Variants in FCHSD2 observed in about 807,000 individuals in gnomAD.
The protein encoded by FCHSD2 is F-BAR and double SH3 domains protein 2.
Under a neutral mutation model 108.1 loss-of-function variants are expected in FCHSD2, and 38 were observed. That is an observed-to-expected ratio of 0.35 (90% CI 0.27 to 0.46). FCHSD2 has a LOEUF of 0.46. FCHSD2 is among the 20% of genes least tolerant of loss of function. The probability of loss-of-function intolerance (pLI) is 1.00; values close to 1 mark genes in which losing one functional copy is unlikely to be tolerated. For missense variants in FCHSD2, 751 were observed against 897.8 expected (o/e 0.84, Z 2.09); for synonymous variants, 279 against 314.7 (o/e 0.89, Z 1.20).
At chr11:72,900,220 T>TACCAAAACAACCCC in intron 10 of FCHSD2, 1 of 886,390 alleles carries the variant, frequency 1.1e-6, no homozygotes, top group Non-Finnish European at 1.8e-6. Context: ...AACCCACACT[T>TACCAAAACAACCCC]CCCATCCCTC....
intron 3 of FCHSD2, among the ~76,000 whole-genome samples, chr11:73,057,323 G>C (rs1409229470): frequency 6.6e-6 from 1 of 151,748 alleles, no homozygotes; most frequent in African/African-American, 2.4e-5. Context: ...AAGCAAAACA[G>C]AAGCTAAAGA....
chr11:73,086,675 C>T (rs1859824491), intron 2 of FCHSD2, among the ~76,000 whole-genome samples: 1 of 152,074 alleles, frequency 6.6e-6, no homozygotes, highest in Admixed American at 6.5e-5. Context: ...AAAGGGAAAA[C>T]ACTAATTACC....
intron 2 of FCHSD2, among the ~76,000 whole-genome samples, chr11:73,099,761 T>C (rs1337845257): frequency 6.6e-6 from 1 of 152,166 alleles, no homozygotes; most frequent in Non-Finnish European, 1.5e-5. Flanking sequence ...TTCCCCGTGG[T>C]TTCCAGAGAG....
At chr11:72,973,373 A>G (rs1857042732) in intron 8 of FCHSD2, among the ~76,000 whole-genome samples, 2 of 152,178 alleles carry the variant, frequency 1.3e-5, no homozygotes. Flanking sequence ...ATCTCAAAAA[A>G]AAAAGAAAGA....
chr11:72,921,374 C>G (rs184109355), intron 9 of FCHSD2, among the ~76,000 whole-genome samples: 2 of 152,274 alleles, frequency 1.3e-5, no homozygotes, highest in African/African-American at 2.4e-5. Flanking sequence ...CAAAGAATGA[C>G]AGCATATAGA....
chr11:72,858,711 C>A (rs1861491393), intron 13 of FCHSD2, among the ~76,000 whole-genome samples: 1 of 152,156 alleles, frequency 6.6e-6, no homozygotes, highest in Admixed American at 6.5e-5. Flanking sequence ...ACAACCCCCC[C>A]ATGACACAAG....
rs370375451 is a variant in FCHSD2 at position 72,976,416 on chromosome 11, T to C, written c.705+7672A>G. Among the ~76,000 whole-genome samples, 145 of 152,236 alleles carry C rather than the reference T, an allele frequency of 9.5e-4. 2 individuals carry two copies. The South Asian group carries it at 0.029, about 31-fold the overall frequency. On this transcript the variant is annotated intron_variant, in intron 8 of 19. Coordinates refer to ENST00000409418, the MANE Select transcript of FCHSD2 (RefSeq NM_014824.3). ...AAGTTATCTTCCCACTTCAGCCTCC[T>C]GAGTAGCTGGGACTACAAGCACGTG... is the stretch of plus-strand genomic sequence containing the variant.
At chr11:72,939,922 C>T (rs140213795) in intron 8 of FCHSD2, among the ~76,000 whole-genome samples, 6 of 152,012 alleles carry the variant, frequency 3.9e-5, no homozygotes, top group African/African-American at 1.4e-4. Flanking sequence ...CTGGCCTTGA[C>T]GGCTCTTTGT....
At chr11:72,951,999 G>A (rs1424868090) in intron 8 of FCHSD2, among the ~76,000 whole-genome samples, 3 of 152,100 alleles carry the variant, frequency 2.0e-5, no homozygotes, top group Non-Finnish European at 2.9e-5. Context: ...TTTTCAACAG[G>A]CACACTTCAG....
chr11:73,127,676 T>C (rs926082874), intron 2 of FCHSD2, among the ~76,000 whole-genome samples: 3 of 152,180 alleles, frequency 2.0e-5, no homozygotes, highest in African/African-American at 4.8e-5. Context: ...CAAGAGTAAA[T>C]TGCCAATCAT....
intron 4 of FCHSD2, among the ~76,000 whole-genome samples, chr11:73,005,385 T>C (rs1244653918): frequency 6.6e-6 from 1 of 152,250 alleles, no homozygotes; most frequent in Non-Finnish European, 1.5e-5. Context: ...AGTTCAAGTC[T>C]TGATTCTATT....
At chr11:72,976,287 T>C (rs1857102817) in intron 8 of FCHSD2, among the ~76,000 whole-genome samples, 1 of 152,150 alleles carries the variant, frequency 6.6e-6, no homozygotes. Context: ...CATGAACTTA[T>C]TCTTTTTATT....
intron 8 of FCHSD2, among the ~76,000 whole-genome samples, chr11:72,932,353 C>T (rs1433754803): frequency 6.6e-6 from 1 of 152,146 alleles, no homozygotes; most frequent in Non-Finnish European, 1.5e-5. Flanking sequence ...GTGTATTTTA[C>T]TTGACTGCTC....
At chr11:72,850,378 T>C (rs2135170608) in intron 13 of FCHSD2, among the ~76,000 whole-genome samples, 1 of 152,082 alleles carries the variant, frequency 6.6e-6, no homozygotes, top group Middle Eastern at 3.4e-3. Context: ...GACAGAGATT[T>C]TTTTTTATTT....
intron 10 of FCHSD2, among the ~76,000 whole-genome samples, chr11:72,894,278 C>T (rs1039208927): frequency 1.3e-5 from 2 of 152,176 alleles, no homozygotes; most frequent in African/African-American, 4.8e-5. Flanking sequence ...GGCACAGTAG[C>T]TCACACTTAC....
chr11:72,945,112 A>G (rs1242033267), intron 8 of FCHSD2, among the ~76,000 whole-genome samples: 1 of 152,204 alleles, frequency 6.6e-6, no homozygotes, highest in Non-Finnish European at 1.5e-5. Flanking sequence ...AGCCAAAAGA[A>G]CAAAGCTGGA....
At chr11:73,000,183 T>G (rs1190171967) in intron 5 of FCHSD2, among the ~76,000 whole-genome samples, 1 of 152,130 alleles carries the variant, frequency 6.6e-6, no homozygotes, top group Admixed American at 6.5e-5. Flanking sequence ...GTTCTGAAAA[T>G]CCTAATGACA....
rs139732100 is a variant in FCHSD2 at position 73,057,581 on chromosome 11, A to G, written c.165+26114T>C. ...GGAGGAGAAAACATCTATATAAGGA[A>G]TATTCTACCTCCTTCTAGGTGGCCA... On this transcript the variant is annotated intron_variant, in intron 3 of 19. Transcript: ENST00000409418. 1.3e-3 allele frequency among the ~76,000 whole-genome samples: 200 copies of G among 152,226 alleles called. 1 individual carries two copies. The highest frequency in any genetic ancestry group is 4.6e-3 in the African/African-American group (193 of 41,520).
intron 2 of FCHSD2, among the ~76,000 whole-genome samples, chr11:73,131,961 G>C (rs543644444): frequency 2.0e-5 from 3 of 151,910 alleles, no homozygotes; most frequent in Non-Finnish European, 2.9e-5. Context: ...TCATTTTTTT[G>C]AATCAGTCAC....
Sources: gnomAD v4.1 joint callset for allele counts (sites outside exome capture counted in the v4.1 genomes callset) on GRCh38, gnomAD v4.1.1 for gene constraint, MANE v1.5 for transcripts, NCBI Gene and HGNC (gene_info 2026-07-23, HGNC 2026-07-21) for gene names.